Variants in SLC4A7 observed in about 807,000 individuals in gnomAD.
The protein encoded by SLC4A7 is solute carrier family 4 member 7.
Under a neutral mutation model 137.6 loss-of-function variants are expected in SLC4A7, and 51 were observed. The observed-to-expected ratio is 0.37, with a 90% CI of 0.30 to 0.47. SLC4A7 has a LOEUF of 0.47. SLC4A7 is among the 20% of genes least tolerant of loss of function. The pLI, the probability that SLC4A7 is intolerant of heterozygous loss-of-function variation, is 1.00. For synonymous variants in SLC4A7, 542 were observed against 518.6 expected (o/e 1.05, Z -0.61); for missense variants, 1,247 against 1,525.4 (o/e 0.82, Z 3.04).
intron 1 of SLC4A7, among the ~76,000 whole-genome samples, chr3:27,463,089 G>C (rs540170860): frequency 6.6e-6 from 1 of 152,012 alleles, no homozygotes; most frequent in East Asian, 1.9e-4. Context: ...GAGGTCAGGA[G>C]AGACCAGCCT....
intron 1 of SLC4A7, among the ~76,000 whole-genome samples, chr3:27,477,967 A>G (rs1056553563): frequency 1.3e-5 from 2 of 152,246 alleles, no homozygotes; most frequent in South Asian, 2.1e-4. Context: ...GAAATAAAAG[A>G]GGCATCTTCC....
chr3:27,389,801 T>A, intron 22 of SLC4A7, 130 bp downstream of exon 22: 2 of 639,272 alleles, frequency 3.1e-6, no homozygotes, highest in Non-Finnish European at 5.2e-6. Flanking sequence ...AACAGCTAAT[T>A]CACATTTTCA....
At chr3:27,453,017 T>C (rs1288611028) in intron 1 of SLC4A7, among the ~76,000 whole-genome samples, 1 of 152,238 alleles carries the variant, frequency 6.6e-6, no homozygotes, top group Admixed American at 6.5e-5. Context: ...AAAGAACTTT[T>C]TCTTTTCCCC....
chr3:27,462,833 T>A (rs1361994796), intron 1 of SLC4A7: 2 of 152,246 alleles, frequency 1.3e-5, no homozygotes, highest in Non-Finnish European at 2.9e-5. Flanking sequence ...TTTAATAAAC[T>A]GATTACGAGT....
chr3:27,421,483 G>A (rs1311939739), intron 9 of SLC4A7, 139 bp downstream of exon 9: 3 of 742,894 alleles, frequency 4.0e-6, no homozygotes, highest in African/African-American at 3.5e-5. Context: ...ATGACAAAGT[G>A]AGATTGTCTC....
chr3:27,468,926 G>A (rs967395056), intron 1 of SLC4A7, among the ~76,000 whole-genome samples: 1 of 151,986 alleles, frequency 6.6e-6, no homozygotes. Flanking sequence ...TGGCCATCAC[G>A]CAAAATGCTG....
chr3:27,436,830 G>A (rs2056776266), intron 4 of SLC4A7, among the ~76,000 whole-genome samples: 1 of 151,882 alleles, frequency 6.6e-6, no homozygotes, highest in Admixed American at 6.6e-5. Context: ...TTCTAAACTT[G>A]CAATACACAA....
chr3:27,405,664 T>C (rs2053268427), intron 13 of SLC4A7, among the ~76,000 whole-genome samples: 2 of 152,178 alleles, frequency 1.3e-5, no homozygotes, highest in Admixed American at 1.3e-4. Context: ...CAAACTGATT[T>C]CTAAAGAGCA....
intron 4 of SLC4A7, among the ~76,000 whole-genome samples, chr3:27,436,862 T>C (rs1027806273): frequency 1.2e-4 from 19 of 152,136 alleles, no homozygotes; most frequent in African/African-American, 4.3e-4. Context: ...TTAAAATCTA[T>C]AATGACATAA....
intron 1 of SLC4A7, among the ~76,000 whole-genome samples, chr3:27,452,983 T>G (rs1217454754): frequency 6.6e-6 from 1 of 152,272 alleles, no homozygotes; most frequent in East Asian, 1.9e-4. Flanking sequence ...CTTTAACTGA[T>G]TAATCAAGAG....
chr3:27,384,191 CA>C lies in SLC4A7; in HGVS notation c.3493-942del, dbSNP rs201950233. Among the ~76,000 whole-genome samples the C allele has an allele frequency of 8.8e-3, 1,339 of 152,144 alleles. 13 individuals are homozygous for C. The highest frequency in any genetic ancestry group is 0.03 in the African/African-American group (1,251 of 41,516). On this transcript the variant is annotated intron_variant, in intron 23 of 25. Coordinates refer to ENST00000454389, the MANE Select transcript of SLC4A7 (RefSeq NM_001321103.2). ...AAAAACAAACAAACAAAAACAAAAACAAAAACCCCTAAACTGAATCTCCCAG... is the reference window on the plus strand; with the variant it reads ...AAAAACAAACAAACAAAAACAAAAACAAAACCCCTAAACTGAATCTCCCAG...
intron 6 of SLC4A7, 60 bp from the exon 7 acceptor site, chr3:27,431,729 A>T (rs2056319081): frequency 3.4e-6 from 5 of 1,460,096 alleles, no homozygotes; most frequent in Non-Finnish European, 4.5e-6. Flanking sequence ...AAATAGAGAC[A>T]TTTAAAAAAA....
chr3:27,438,123 G>A (rs1260030873), intron 3 of SLC4A7, among the ~76,000 whole-genome samples: 2 of 151,126 alleles, frequency 1.3e-5, no homozygotes, highest in African/African-American at 2.4e-5. Context: ...CTTGAACCTG[G>A]GAAGTGGAGA....
In SLC4A7 at chr3:27,394,698, A is replaced by C. The variant is rs1240843546; in HGVS notation, c.2937T>G (p.Leu979=). ...VMLGVCSVMG[L]PWFVAATVLS... is the part of the protein sequence containing the mutation. Reference sequence around the variant, plus strand: ...ACACTGTTGCAGCCACAAACCATGGAAGTCCCATGACAGAGCAAACTCCCA... The same window carrying C: ...ACACTGTTGCAGCCACAAACCATGGCAGTCCCATGACAGAGCAAACTCCCA... Residue 979 remains leucine, a synonymous_variant, in exon 20 of 26, where the codon CTT becomes CTG. Coordinates refer to ENST00000454389, the MANE Select transcript of SLC4A7 (RefSeq NM_001321103.2). The C allele has an allele frequency of 3.1e-6, 5 of 1,614,192 alleles. No homozygotes were observed. The highest frequency in any genetic ancestry group is 4.2e-6 in the Non-Finnish European group (5 of 1,180,018).
At chr3:27,416,219 A>G (rs979793693) in intron 11 of SLC4A7, among the ~76,000 whole-genome samples, 1 of 152,238 alleles carries the variant, frequency 6.6e-6, no homozygotes, top group Non-Finnish European at 1.5e-5. Flanking sequence ...GATGAGCAAC[A>G]CACAGCATTT....
chr3:27,427,233 C>A (rs751925279), intron 7 of SLC4A7, among the ~76,000 whole-genome samples: 3 of 152,084 alleles, frequency 2.0e-5, no homozygotes, highest in Non-Finnish European at 4.4e-5. Context: ...CAAGAATCAT[C>A]CAGCCTAAAA....
chr3:27,453,958 T>C (rs1559810151), intron 1 of SLC4A7, among the ~76,000 whole-genome samples: 1 of 152,114 alleles, frequency 6.6e-6, no homozygotes, highest in South Asian at 2.1e-4. Context: ...TGGCTATAGT[T>C]CCATATTTAA....
intron 1 of SLC4A7, among the ~76,000 whole-genome samples, chr3:27,464,326 G>A (rs972736815): frequency 1.3e-5 from 2 of 152,202 alleles, no homozygotes; most frequent in Non-Finnish European, 2.9e-5. Flanking sequence ...AGAGATTAAA[G>A]ATCTATTAAT....
chr3:27,438,190 CTCAG>C (rs1369809256), intron 3 of SLC4A7, among the ~76,000 whole-genome samples: 1 of 150,670 alleles, frequency 6.6e-6, no homozygotes, highest in East Asian at 1.9e-4. Context: ...GAGACTCCGT[CTCAG>C]TCAATCAATC....
Sources: allele counts gnomAD v4.1 joint callset (sites outside exome capture counted in the v4.1 genomes callset), GRCh38; gene constraint gnomAD v4.1.1; transcripts MANE v1.5; gene names NCBI Gene and HGNC (gene_info 2026-07-23, HGNC 2026-07-21).